The following CNTN5 variants were observed in gnomAD, a reference collection of about 807,000 sequenced individuals.
CNTN5 encodes contactin-5.
CNTN5 carries 77 observed loss-of-function variants against 129.1 expected under a neutral mutation model. That is an observed-to-expected ratio of 0.60 (90% CI 0.50 to 0.72). The LOEUF is 0.72. Among genes scored for constraint, CNTN5 ranks in the 30% least tolerant of loss-of-function variants. CNTN5 has a pLI of 0.00. For synonymous variants in CNTN5, 509 were observed against 465.6 expected (o/e 1.09, Z -1.20); for missense variants, 1,478 against 1,328.8 (o/e 1.11, Z -1.75).
chr11:99,555,433 G>A (rs2135534934), intron 2 of CNTN5, among the ~76,000 whole-genome samples: 1 of 151,874 alleles, frequency 6.6e-6, no homozygotes, highest in Middle Eastern at 3.4e-3. Flanking sequence ...TTCTTTTCAT[G>A]TTTATTGTAT....
chr11:99,478,952 T>C (rs2135304012), intron 2 of CNTN5, among the ~76,000 whole-genome samples: 1 of 152,306 alleles, frequency 6.6e-6, no homozygotes, highest in Admixed American at 6.5e-5. Context: ...TGGTTTGTTT[T>C]AAATTGTGTT....
chr11:99,507,646 ATGGAATAT>A (rs1167065455), intron 2 of CNTN5, among the ~76,000 whole-genome samples: 1 of 152,228 alleles, frequency 6.6e-6, no homozygotes, highest in East Asian at 1.9e-4. Context: ...ACATTTAGAT[ATGGAATAT>A]TTACATTTTT....
intron 2 of CNTN5, among the ~76,000 whole-genome samples, chr11:99,513,889 T>C: frequency 6.6e-6 from 1 of 152,176 alleles, no homozygotes; most frequent in South Asian, 2.1e-4. Flanking sequence ...AGTAATTTTG[T>C]CTTTTAAGTC....
At chr11:99,656,665 C>A (rs1952377624) in intron 3 of CNTN5, among the ~76,000 whole-genome samples, 1 of 152,104 alleles carries the variant, frequency 6.6e-6, no homozygotes, top group Admixed American at 6.6e-5. Flanking sequence ...CCAGAGATGC[C>A]AGTCTCAGCA....
intron 9 of CNTN5, among the ~76,000 whole-genome samples, chr11:100,006,536 TCATC>T (rs1940202839): frequency 6.6e-6 from 1 of 152,150 alleles, no homozygotes; most frequent in African/African-American, 2.4e-5. Context: ...CTTTCTTTGC[TCATC>T]CATAAGAAGC....
At chr11:100,033,757 G>A (rs559454352) in intron 9 of CNTN5, among the ~76,000 whole-genome samples, 1 of 152,168 alleles carries the variant, frequency 6.6e-6, no homozygotes, top group South Asian at 2.1e-4. Flanking sequence ...CCTTACTTAG[G>A]CCCTCAGTGC....
chr11:99,349,856 G>T (rs893228268), intron 2 of CNTN5, among the ~76,000 whole-genome samples: 3 of 152,128 alleles, frequency 2.0e-5, no homozygotes, highest in African/African-American at 7.2e-5. Flanking sequence ...TAAGCCATCA[G>T]TTTCCTACCA....
intron 3 of CNTN5, among the ~76,000 whole-genome samples, chr11:99,635,275 G>A (rs1390716925): frequency 6.6e-6 from 1 of 152,092 alleles, no homozygotes; most frequent in Non-Finnish European, 1.5e-5. Flanking sequence ...TGGGAGATCA[G>A]CACACCCTCA....
intron 12 of CNTN5, among the ~76,000 whole-genome samples, chr11:100,072,246 G>T (rs1565214070): frequency 1.3e-5 from 2 of 152,142 alleles, no homozygotes; most frequent in Non-Finnish European, 2.9e-5. Context: ...ATCAGTAGCT[G>T]TGTGGCTCCT....
intron 16 of CNTN5, among the ~76,000 whole-genome samples, chr11:100,246,118 T>C (rs374887717): frequency 5.3e-5 from 8 of 152,130 alleles, no homozygotes; most frequent in African/African-American, 1.9e-4. Context: ...CGTTCTTGTT[T>C]TCATTGATTT....
intron 3 of CNTN5, among the ~76,000 whole-genome samples, chr11:99,651,155 T>C (rs780812953): frequency 1.3e-5 from 2 of 151,968 alleles, no homozygotes; most frequent in African/African-American, 4.8e-5. Context: ...GGTGAATAAT[T>C]TGAGGACATA....
chr11:99,639,859 A>ACTTT (rs1368842176), intron 3 of CNTN5, among the ~76,000 whole-genome samples: 1 of 152,012 alleles, frequency 6.6e-6, no homozygotes, highest in Non-Finnish European at 1.5e-5. Context: ...CCACCACGTC[A>ACTTT]GTCCCAAGTC....
chr11:99,136,545 C>T (rs1859230499), intron 1 of CNTN5, among the ~76,000 whole-genome samples: 3 of 152,140 alleles, frequency 2.0e-5, no homozygotes. Flanking sequence ...TGCCATCTTA[C>T]CCACTCATTG....
At chr11:99,369,519 G>A (rs1303888604) in intron 2 of CNTN5, among the ~76,000 whole-genome samples, 3 of 151,402 alleles carry the variant, frequency 2.0e-5, no homozygotes, top group Admixed American at 2.0e-4. Context: ...TTCCAAACTT[G>A]ATATAATTGT....
chr11:99,986,002 A>C (rs949879227), intron 8 of CNTN5, among the ~76,000 whole-genome samples: 4 of 152,188 alleles, frequency 2.6e-5, no homozygotes, highest in African/African-American at 4.8e-5. Flanking sequence ...TCTCAATTTC[A>C]AGTAAGCCAT....
chr11:99,148,545 T>C (rs1428245862), intron 1 of CNTN5, among the ~76,000 whole-genome samples: 1 of 152,154 alleles, frequency 6.6e-6, no homozygotes, highest in African/African-American at 2.4e-5. Context: ...GTAATGAATA[T>C]GCCTTATGTG....
At chr11:99,300,920 G>A (rs1274182571) in intron 1 of CNTN5, among the ~76,000 whole-genome samples, 1 of 151,814 alleles carries the variant, frequency 6.6e-6, no homozygotes, top group Non-Finnish European at 1.5e-5. Flanking sequence ...TAACATTATT[G>A]TGTAGAAGGG....
At chr11:99,973,413 AGTT>A (rs1848753267) in intron 8 of CNTN5, among the ~76,000 whole-genome samples, 2 of 152,130 alleles carry the variant, frequency 1.3e-5, no homozygotes, top group Non-Finnish European at 1.5e-5. Context: ...CATAGGTGAT[AGTT>A]GTTCTTTCCA....
At chr11:99,890,060 A>G (rs1306813492) in intron 6 of CNTN5, among the ~76,000 whole-genome samples, 1 of 152,230 alleles carries the variant, frequency 6.6e-6, no homozygotes, top group African/African-American at 2.4e-5. Flanking sequence ...GTCATGGACC[A>G]AATAAATTAT....
Sources: allele counts gnomAD v4.1 joint callset (sites outside exome capture counted in the v4.1 genomes callset), GRCh38; gene constraint gnomAD v4.1.1; transcripts MANE v1.5; gene names NCBI Gene and HGNC (gene_info 2026-07-23, HGNC 2026-07-21).